Variants in GLI2 observed in about 807,000 individuals in gnomAD.
GLI2 encodes GLI family zinc finger 2.
A neutral mutation model predicts 78.9 loss-of-function variants in GLI2; 22 were observed. The ratio of observed to expected loss-of-function variants is 0.28; its 90% CI spans 0.20 to 0.40. The LOEUF (loss-of-function observed/expected upper bound fraction) is 0.40. Among genes scored for constraint, GLI2 ranks in the 10% least tolerant of loss-of-function variants. The pLI is 1.00. For synonymous variants in GLI2, 974 were observed against 963.7 expected, an observed-to-expected ratio of 1.01 and a Z score of -0.20; for missense variants, 2,097 against 2,213.2, an observed-to-expected ratio of 0.95 and a Z score of 1.05.
chr2:120,881,710 GAGAGGGCAGGT>G, intron 2 of GLI2, among the ~76,000 whole-genome samples: 1 of 98,698 alleles, frequency 1.0e-5, no homozygotes, highest in Admixed American at 1.0e-4. Flanking sequence ...GGACAGTGGG[GAGAGGGCAGGT>G]GGGGGAGGAC....
In GLI2 at chr2:120,990,212, C is replaced by A; in HGVS notation, c.4247C>A (p.Pro1416Gln). Residue 1416 changes from proline (P) to glutamine (Q), a missense_variant, in exon 14 of 14, where the codon CCG (proline) becomes CAG (glutamine). Around this residue, in one of 5 missense-constraint regions of GLI2, gnomAD observed 1,290 missense variants for 1,261.7 expected, o/e 1.02. Transcript: ENST00000361492. ...GGGTCGGTGCCTCCCCAGCCGCCTC[C>A]GCAGGACGCAGGTGGGGCCCCGGAC... ...NMGSVPPQPPPQDAGGAPDHS... is the reference protein window; with the variant it reads ...NMGSVPPQPPQQDAGGAPDHS... 1 of 1,613,558 alleles carries A rather than the reference C, an allele frequency of 6.2e-7. No individual in the cohort carries two copies. Among genetic ancestry groups the A allele is most frequent in the African/African-American group, 1.3e-5 (1 of 75,070 alleles).
chr2:120,876,579 A>G (rs1688759267), intron 2 of GLI2, among the ~76,000 whole-genome samples: 1 of 152,006 alleles, frequency 6.6e-6, no homozygotes, highest in African/African-American at 2.4e-5. Context: ...GAAATCAGAC[A>G]AGTAGGGGAT....
At position 120,855,674 on chromosome 2, in the gene GLI2, G is replaced by C. The variant is rs143873243; in HGVS notation, c.148+58206G>C. Among the ~76,000 whole-genome samples the C allele has an allele frequency of 3.7e-3, 556 of 152,056 alleles. 4 individuals are homozygous for C. The Middle Eastern group carries it at 0.054, about 15-fold the overall frequency. ...CACTTTTCTTAGGGTTCCAGGCACTGCTTGGTTTTCCATGCACTGGATTAT... is the reference window on the plus strand; with the variant it reads ...CACTTTTCTTAGGGTTCCAGGCACTCCTTGGTTTTCCATGCACTGGATTAT... On this transcript the variant is annotated intron_variant, in intron 2 of 13. Transcript: ENST00000361492.
intron 2 of GLI2, among the ~76,000 whole-genome samples, chr2:120,891,618 G>A (rs537015950): frequency 3.9e-5 from 6 of 152,152 alleles, no homozygotes; most frequent in Non-Finnish European, 7.4e-5. Flanking sequence ...TGAAGGGAAG[G>A]GGGAGCAGCA....
intron 12 of GLI2, among the ~76,000 whole-genome samples, chr2:120,985,010 C>T (rs772308185): frequency 2.4e-4 from 37 of 152,176 alleles, no homozygotes; most frequent in Non-Finnish European, 5.3e-4. Context: ...GTACGGTGGG[C>T]CTGCACAGGG....
chr2:120,876,320 C>A (rs1039523850), intron 2 of GLI2, among the ~76,000 whole-genome samples: 5 of 152,072 alleles, frequency 3.3e-5, no homozygotes, highest in African/African-American at 4.8e-5. Context: ...CCAGCCTGGG[C>A]GACAGAGCGA....
At chr2:120,839,223 A>G (rs993369984) in intron 2 of GLI2, among the ~76,000 whole-genome samples, 2 of 152,176 alleles carry the variant, frequency 1.3e-5, no homozygotes, top group Admixed American at 6.5e-5. Flanking sequence ...ATATTTGTAT[A>G]TGTCAACGAT....
intron 5 of GLI2, among the ~76,000 whole-genome samples, chr2:120,960,498 C>T (rs1217523905): frequency 6.6e-6 from 1 of 152,210 alleles, no homozygotes; most frequent in Non-Finnish European, 1.5e-5. Context: ...GTGCCACCTG[C>T]ACAATTGTGT....
intron 2 of GLI2, among the ~76,000 whole-genome samples, chr2:120,807,877 C>G (rs1215455512): frequency 6.6e-6 from 1 of 152,170 alleles, no homozygotes; most frequent in African/African-American, 2.4e-5. Flanking sequence ...CCCCCGCCAC[C>G]CTGAGCATCT....
chr2:120,816,093 T>G (rs1685480848), intron 2 of GLI2, among the ~76,000 whole-genome samples: 1 of 152,070 alleles, frequency 6.6e-6, no homozygotes, highest in South Asian at 2.1e-4. Context: ...TGATGATGTT[T>G]GGGGACTGAG....
intron 1 of GLI2, among the ~76,000 whole-genome samples, chr2:120,749,763 C>T (rs1240307481): frequency 6.6e-6 from 1 of 152,168 alleles, no homozygotes; most frequent in African/African-American, 2.4e-5. Flanking sequence ...GGCAGCAGCC[C>T]CTGACCTTAG....
intron 1 of GLI2, among the ~76,000 whole-genome samples, chr2:120,761,538 G>T (rs1683211960): frequency 6.6e-6 from 1 of 152,182 alleles, no homozygotes; most frequent in Non-Finnish European, 1.5e-5. Flanking sequence ...ACCCAGAGGG[G>T]GTGTGTGTGC....
chr2:120,824,803 A>G (rs56198827), intron 2 of GLI2, among the ~76,000 whole-genome samples: 8,593 of 152,302 alleles, frequency 0.056, 243 homozygotes, highest in Middle Eastern at 0.12. Flanking sequence ...CACACCTGAC[A>G]AAGGATGTCC....
At chr2:120,947,590 C>T (rs1269693331) in intron 3 of GLI2, among the ~76,000 whole-genome samples, 1 of 152,106 alleles carries the variant, frequency 6.6e-6, no homozygotes, top group Non-Finnish European at 1.5e-5. Flanking sequence ...GGTTTCCAGG[C>T]CAGCAGACAC....
chr2:120,947,539 T>C (rs528020728), intron 3 of GLI2, among the ~76,000 whole-genome samples: 5 of 152,296 alleles, frequency 3.3e-5, no homozygotes, highest in African/African-American at 9.6e-5. Flanking sequence ...CATTGATGGC[T>C]ACGATGGCCA....
At chr2:120,888,766 C>T (rs902279796) in intron 2 of GLI2, among the ~76,000 whole-genome samples, 2 of 152,152 alleles carry the variant, frequency 1.3e-5, no homozygotes, top group African/African-American at 2.4e-5. Context: ...TATTCAGGGT[C>T]GCTGCTTGCA....
Position 120,779,185 on chromosome 2 carries a change from T to A in GLI2, c.-30-18106T>A, listed in dbSNP as rs1683766987. Reference sequence around the variant, plus strand: ...TCATGTGAAACATTTACAGACAGACTATCATCCTTCCATTTTACAGATCAG... The same window carrying A: ...TCATGTGAAACATTTACAGACAGACAATCATCCTTCCATTTTACAGATCAG... On this transcript the variant is annotated intron_variant, in intron 1 of 13. Transcript: ENST00000361492. 3.3e-5 allele frequency among the ~76,000 whole-genome samples: 5 copies of A among 152,232 alleles called. No homozygotes were observed. In the South Asian group the frequency reaches 1.0e-3, roughly 32 times the overall value.
At chr2:120,843,731 A>C (rs1450994776) in intron 2 of GLI2, among the ~76,000 whole-genome samples, 2 of 152,090 alleles carry the variant, frequency 1.3e-5, no homozygotes, top group Non-Finnish European at 2.9e-5. Flanking sequence ...CAATGGCACG[A>C]TCTCGACTCA....
In GLI2 at chr2:120,816,192, CTT is replaced by C. The variant is rs3053837; in HGVS notation, c.148+18739_148+18740del. Among the ~76,000 whole-genome samples the C allele has an allele frequency of 7.3e-4, 99 of 134,842 alleles. 1 individual carries two copies. Among genetic ancestry groups the C allele is most frequent in the African/African-American group, 2.0e-3 (71 of 35,436 alleles). 88.5% of individuals were successfully genotyped at this position (134,842 alleles called of 152,430 possible). On this transcript the variant is annotated intron_variant, in intron 2 of 13. Transcript: ENST00000361492. ...AAAAATTACTGAGGACCCCAAAGAGCTTTTTTTTTTTTTTTTGAGACTGAGTC... is the reference window on the plus strand; with the variant it reads ...AAAAATTACTGAGGACCCCAAAGAGCTTTTTTTTTTTTTTGAGACTGAGTC...
Sources: gnomAD v4.1 joint callset for allele counts (sites outside exome capture counted in the v4.1 genomes callset) on GRCh38, gnomAD v4.1.1 for gene constraint, gnomAD v4.1.1 regional missense constraint, MANE v1.5 for transcripts, NCBI Gene and HGNC (gene_info 2026-07-23, HGNC 2026-07-21) for gene names.